Variants in USP14 observed in about 807,000 individuals in gnomAD.
The protein encoded by USP14 is ubiquitin specific peptidase 14.
In USP14, 38 loss-of-function variants were observed where a neutral mutation model predicts 76.5. The ratio of observed to expected loss-of-function variants is 0.50; its 90% CI spans 0.38 to 0.65. USP14 has a LOEUF of 0.65. Ranked by LOEUF, USP14 falls within the 30% of genes least tolerant of loss-of-function variation. The pLI is 0.00. For synonymous variants in USP14, 192 were observed against 191.7 expected (o/e 1.00, Z -0.01); for missense variants, 467 against 586.5 (o/e 0.80, Z 2.10).
At chr18:162,107 A>G (rs751372886) in intron 1 of USP14, among the ~76,000 whole-genome samples, 6 of 152,192 alleles carry the variant, frequency 3.9e-5, no homozygotes, top group Non-Finnish European at 8.8e-5. Flanking sequence ...ATTCCGTTGT[A>G]TGTATATACC....
At chr18:204,442 T>C (rs1910470135) in intron 12 of USP14, 122 bp from the exon 13 acceptor site, 2 of 933,410 alleles carry the variant, frequency 2.1e-6, no homozygotes, top group Non-Finnish European at 3.0e-6. Context: ...TTCCAAGTGA[T>C]TTTCACAGAT....
intron 12 of USP14, among the ~76,000 whole-genome samples, chr18:203,413 A>C (rs1236723157): frequency 6.6e-6 from 1 of 151,350 alleles, no homozygotes; most frequent in African/African-American, 2.4e-5. Context: ...CCTCACCCCC[A>C]AACATCTGGG....
chr18:197,703 GA>G lies in USP14; in HGVS notation c.675+10del, dbSNP rs746397323. 1.2e-5 allele frequency: 19 copies of G among 1,600,584 alleles called. No homozygotes were observed. In the African/African-American group the frequency reaches 2.5e-4, roughly 21 times the overall value. ...GGATGATTCTGTTAAAGAGGTAATT[GA>G]AATATATTTGTGATTATAGACTTTC... On this transcript the variant is annotated splice_region_variant and intron_variant, in intron 8 of 15. Transcript: ENST00000261601.
chr18:163,219 C>T lies in USP14; in HGVS notation c.17-89C>T, dbSNP rs1909172675. 3 of 1,260,578 alleles carry T rather than the reference C, an allele frequency of 2.4e-6. No individual in the cohort carries two copies. In the Admixed American group the frequency reaches 7.3e-5, roughly 31 times the overall value. The allele number at this position is 1,260,578 out of a possible 1,614,324, so 78.1% of individuals were successfully genotyped here. On this transcript the variant is annotated intron_variant, in intron 1 of 15. Coordinates refer to ENST00000261601, the MANE Select transcript of USP14 (RefSeq NM_005151.4). ...AAAGATGAATGACATGTTTTGACTC[C>T]CGATAACTGCCTAATTGGTGATCTT...
intron 13 of USP14, 135 bp from the exon 14 acceptor site, chr18:209,836 G>C (rs1201316239): frequency 1.5e-5 from 9 of 612,496 alleles, no homozygotes; most frequent in Non-Finnish European, 1.1e-5. Flanking sequence ...TATCATTTTA[G>C]TAATTTGGAA....
In USP14 at chr18:158,776, C is replaced by T. The variant is rs1909026571; in HGVS notation, c.16+62C>T. 1.3e-5 allele frequency: 18 copies of T among 1,347,972 alleles called. No homozygotes were observed. The South Asian group carries it at 2.9e-4, about 21-fold the overall frequency. 83.5% of individuals were successfully genotyped at this position (1,347,972 alleles called of 1,614,324 possible). On this transcript the variant is annotated intron_variant, in intron 1 of 15. Coordinates refer to ENST00000261601, the MANE Select transcript of USP14 (RefSeq NM_005151.4). The stretch of plus-strand genomic sequence containing the variant: ...ACCGGCGCTAGGCCTCCGCGTAGGC[C>T]TGGCCTGCACGGGCGGGCACCCGGC...
chr18:186,455 C>T (rs1179680682), intron 5 of USP14, among the ~76,000 whole-genome samples: 3 of 151,780 alleles, frequency 2.0e-5, no homozygotes, highest in African/African-American at 4.8e-5. Context: ...GACCCTGCCT[C>T]TTAAAAAAAG....
intron 5 of USP14, among the ~76,000 whole-genome samples, chr18:187,623 T>A (rs1006286217): frequency 3.3e-5 from 5 of 152,304 alleles, no homozygotes; most frequent in Middle Eastern, 3.4e-3. Context: ...TTTCACGTGT[T>A]TTATTTCCAA....
At chr18:168,238 A>G (rs546626032) in intron 3 of USP14, among the ~76,000 whole-genome samples, 1 of 151,774 alleles carries the variant, frequency 6.6e-6, no homozygotes, top group African/African-American at 2.4e-5. Flanking sequence ...AATACAGTTG[A>G]TTTTTCTAAG....
Position 213,530 on chromosome 18 carries a change from A to AGTCT in USP14, c.*2247_*2250dup, listed in dbSNP as rs1910738202. ...GAGAGGAGTAGGCCAAAAAAAAAAAAGTCTTGATTCCTGAATGTGCCTTAT... is the reference window on the plus strand; with the variant it reads ...GAGAGGAGTAGGCCAAAAAAAAAAAAGTCTGTCTTGATTCCTGAATGTGCCTTAT... On this transcript the variant is annotated 3_prime_UTR_variant, in exon 16 of 16. Coordinates refer to ENST00000261601, the MANE Select transcript of USP14 (RefSeq NM_005151.4). 6.6e-6 allele frequency: 1 copy of AGTCT among 152,468 alleles called. No individual in the cohort carries two copies. The highest frequency in any genetic ancestry group is 1.5e-5 in the Non-Finnish European group (1 of 68,004). The allele number at this position is 152,468 out of a possible 1,614,324, so 9.4% of individuals were successfully genotyped here. A position where few individuals can be genotyped will look rare whatever the true frequency, so the allele number is the denominator to read the frequency against.
chr18:182,082 A>G (rs1048200132), intron 5 of USP14, among the ~76,000 whole-genome samples: 2 of 152,180 alleles, frequency 1.3e-5, no homozygotes, highest in Non-Finnish European at 2.9e-5. Context: ...ATATATGTCT[A>G]TCCTTATGTC....
intron 9 of USP14, among the ~76,000 whole-genome samples, chr18:198,505 C>T (rs1303395701): frequency 6.6e-6 from 1 of 152,054 alleles, no homozygotes; most frequent in East Asian, 1.9e-4. Context: ...AGGTGTGAGC[C>T]ACCGCGCCCA....
At chr18:173,334 A>G (rs1329216502) in intron 3 of USP14, among the ~76,000 whole-genome samples, 2 of 151,384 alleles carry the variant, frequency 1.3e-5, no homozygotes, top group Non-Finnish European at 2.9e-5. Context: ...GATGGTCTCT[A>G]TCTCCTGACC....
At chr18:171,025 A>AAAAATATATATATATATAT (rs1327304974) in intron 3 of USP14, among the ~76,000 whole-genome samples, 7 of 47,646 alleles carry the variant, frequency 1.5e-4, no homozygotes, top group Admixed American at 2.9e-4. Context: ...AAAAAAAAAA[A>AAAAATATATATATATATAT]ATATATATAT....
rs150379203 is a variant in USP14 at position 194,384 on chromosome 18, G to A, written c.463+1484G>A. ...TATATGCGGCTAATAGTATTGATGC[G>A]ATGAAAAATACTGTTCTTTACATTT... On this transcript the variant is annotated intron_variant, in intron 6 of 15. Transcript: ENST00000261601. Among the ~76,000 whole-genome samples the A allele has an allele frequency of 8.9e-4, 136 of 152,220 alleles. 3 individuals carry two copies. The East Asian group carries it at 0.024, about 27-fold the overall frequency.
chr18:168,081 A>G (rs1314166701), intron 3 of USP14, among the ~76,000 whole-genome samples: 2 of 150,738 alleles, frequency 1.3e-5, no homozygotes, highest in Non-Finnish European at 3.0e-5. Flanking sequence ...GCCCACCACC[A>G]CGCCCAGCTA....
rs1567836005 is a variant in USP14, at chr18:202,941, A to G, written c.938A>G (p.Lys313Arg). The G allele has an allele frequency of 6.2e-7, 1 of 1,614,138 alleles. No homozygotes were observed. Among genetic ancestry groups the G allele is most frequent in the African/African-American group, 1.3e-5 (1 of 75,074 alleles). Residue 313 changes from lysine to arginine, a missense_variant, in exon 11 of 16, where the codon AAA (lysine) becomes AGA (arginine). Lys to Arg is a conservative substitution (Grantham distance 26, BLOSUM62 2). Transcript: ENST00000261601. ...TTGCAAAGAAATGCCTTGTATATCA[A>G]ATCTGTAAGTTATGCAGTCCTTTCG... is the stretch of plus-strand genomic sequence containing the variant. ...PTLQRNALYIKSSKISRLPAY... is the reference protein window; with the variant it reads ...PTLQRNALYIRSSKISRLPAY...
At chr18:160,093 C>G (rs1598259852) in intron 1 of USP14, among the ~76,000 whole-genome samples, 1 of 152,104 alleles carries the variant, frequency 6.6e-6, no homozygotes, top group East Asian at 1.9e-4. Context: ...CACTTGAGGT[C>G]AGGAGTTCGA....
At chr18:198,165 C>T (rs373649012) in intron 9 of USP14, 33 bp downstream of exon 9, 609 of 1,514,458 alleles carry the variant, frequency 4.0e-4, no homozygotes, top group Admixed American at 1.7e-3. Context: ...AGACTATACT[C>T]ATACCTTATT....
Sources: allele counts gnomAD v4.1 joint callset (sites outside exome capture counted in the v4.1 genomes callset), GRCh38; gene constraint gnomAD v4.1.1; transcripts MANE v1.5; gene names NCBI Gene and HGNC (gene_info 2026-07-23, HGNC 2026-07-21).